The following TSPAN18 variants were observed in gnomAD, a reference collection of about 807,000 sequenced individuals.
TSPAN18 encodes tetraspanin-18.
Under a neutral mutation model 27.3 loss-of-function variants are expected in TSPAN18, and 14 were observed. The ratio of observed to expected loss-of-function variants is 0.51; its 90% CI spans 0.34 to 0.80. The LOEUF is 0.80. Ranked by LOEUF, TSPAN18 falls within the 30% of genes least tolerant of loss-of-function variation. The pLI, the probability that TSPAN18 is intolerant of heterozygous loss-of-function variation, is 0.01. For missense variants in TSPAN18, 268 were observed against 323.9 expected, an observed-to-expected ratio of 0.83 and a Z score of 1.32; for synonymous variants, 143 against 136.5, an observed-to-expected ratio of 1.05 and a Z score of -0.33.
chr11:44,842,891 C>T (rs1857401773), intron 2 of TSPAN18, among the ~76,000 whole-genome samples: 4 of 152,148 alleles, frequency 2.6e-5, no homozygotes, highest in Admixed American at 2.6e-4. Flanking sequence ...CTCCTATGCC[C>T]CATCCCAATC....
intron 5 of TSPAN18, among the ~76,000 whole-genome samples, chr11:44,914,863 G>T (rs112394050): frequency 2.2e-3 from 342 of 152,170 alleles, no homozygotes; most frequent in African/African-American, 7.7e-3. Flanking sequence ...TTCCAGAGCC[G>T]CCCACACCAG....
intron 3 of TSPAN18, among the ~76,000 whole-genome samples, chr11:44,891,334 G>A (rs948406679): frequency 6.6e-6 from 1 of 152,206 alleles, no homozygotes. Context: ...TTTGGAGTCA[G>A]GCCAGATGGC....
intron 2 of TSPAN18, among the ~76,000 whole-genome samples, chr11:44,822,755 T>C (rs1856952899): frequency 6.6e-6 from 1 of 152,046 alleles, no homozygotes; most frequent in Admixed American, 6.5e-5. Flanking sequence ...TCTGGGAAAA[T>C]GTCAGACCCC....
At chr11:44,847,965 C>G (rs1250337710) in intron 2 of TSPAN18, among the ~76,000 whole-genome samples, 1 of 151,346 alleles carries the variant, frequency 6.6e-6, no homozygotes, top group Non-Finnish European at 1.5e-5. Context: ...TCCCAAGTAG[C>G]TCGGACTACA....
chr11:44,864,107 T>C lies in TSPAN18; in HGVS notation c.-11+3638T>C, dbSNP rs181650871. The stretch of plus-strand genomic sequence containing the variant: ...TTCGAGAGCAGCCTGGCCAACATAG[T>C]GAAACCCCGTCTCTACTAAAAATAC... On this transcript the variant is annotated intron_variant, in intron 3 of 9. Transcript: ENST00000520358. Among the ~76,000 whole-genome samples, 275 of 151,730 alleles carry C rather than the reference T, an allele frequency of 1.8e-3. 7 individuals are homozygous for C. The East Asian group carries it at 0.033, about 18-fold the overall frequency.
intron 1 of TSPAN18, among the ~76,000 whole-genome samples, chr11:44,740,665 T>G (rs772977456): frequency 2.0e-5 from 3 of 152,188 alleles, no homozygotes; most frequent in Non-Finnish European, 4.4e-5. Context: ...CATCCTAGCC[T>G]GTGAATTTCT....
At chr11:44,812,233 C>T (rs186194524) in intron 2 of TSPAN18, among the ~76,000 whole-genome samples, 233 of 152,318 alleles carry the variant, frequency 1.5e-3, no homozygotes, top group African/African-American at 5.4e-3. Context: ...GGCTGTGTGA[C>T]CTGGGGCAAA....
intron 2 of TSPAN18, among the ~76,000 whole-genome samples, chr11:44,792,021 G>A (rs1856237536): frequency 2.0e-5 from 3 of 152,186 alleles, no homozygotes; most frequent in Non-Finnish European, 4.4e-5. Flanking sequence ...CTCCTTTGGA[G>A]AGCTGACACT....
chr11:44,867,217 C>T (rs191873115), intron 3 of TSPAN18, among the ~76,000 whole-genome samples: 114 of 151,860 alleles, frequency 7.5e-4, no homozygotes, highest in African/African-American at 2.7e-3. Context: ...AGGCCCGGCA[C>T]CCTGGGTTTT....
intron 2 of TSPAN18, among the ~76,000 whole-genome samples, chr11:44,830,498 G>A (rs1265401547): frequency 6.6e-6 from 1 of 152,216 alleles, no homozygotes; most frequent in Non-Finnish European, 1.5e-5. Context: ...GACAAGGGAA[G>A]GGGAAATATT....
chr11:44,777,592 T>C (rs1855842003), intron 2 of TSPAN18, among the ~76,000 whole-genome samples: 1 of 152,206 alleles, frequency 6.6e-6, no homozygotes, highest in Admixed American at 6.5e-5. Flanking sequence ...GGCTGGTTTA[T>C]TTATGCATTT....
chr11:44,864,583 C>CT (rs1370890578), intron 3 of TSPAN18, among the ~76,000 whole-genome samples: 4 of 152,210 alleles, frequency 2.6e-5, no homozygotes, highest in African/African-American at 7.2e-5. Context: ...CCCTTGCCAT[C>CT]TTGGGCCTAA....
intron 9 of TSPAN18, among the ~76,000 whole-genome samples, chr11:44,928,386 T>G (rs1187174163): frequency 6.6e-6 from 1 of 152,164 alleles, no homozygotes; most frequent in African/African-American, 2.4e-5. Flanking sequence ...CTGCAGGGGT[T>G]GTAAGCATGG....
intron 3 of TSPAN18, among the ~76,000 whole-genome samples, chr11:44,896,230 G>T (rs1179049805): frequency 1.3e-5 from 2 of 152,130 alleles, no homozygotes; most frequent in Non-Finnish European, 2.9e-5. Flanking sequence ...CTATTGTGAG[G>T]ATTCATTGTG....
intron 3 of TSPAN18, among the ~76,000 whole-genome samples, chr11:44,890,742 C>CA (rs60185116): frequency 0.22 from 17,252 of 80,048 alleles, 1,595 homozygotes; most frequent in East Asian, 0.3. Context: ...GACTCCAACT[C>CA]AAAAAAAAAA....
chr11:44,733,773 G>A lies in TSPAN18; in HGVS notation c.-240+6486G>A, dbSNP rs74614928. On this transcript the variant is annotated intron_variant, in intron 1 of 9. Transcript: ENST00000520358. ...GGGAATTGCCGTGCAGCCAAGCTTC[G>A]GGGTACCCTTCCAAGGCGCACCTGG... Among the ~76,000 whole-genome samples the A allele has an allele frequency of 3.6e-3, 546 of 152,240 alleles. 4 individuals carry two copies. The highest frequency in any genetic ancestry group is 0.012 in the African/African-American group (519 of 41,534).
intron 2 of TSPAN18, among the ~76,000 whole-genome samples, chr11:44,811,165 CA>C (rs1856706472): frequency 7.7e-6 from 1 of 130,066 alleles, no homozygotes; most frequent in South Asian, 2.5e-4. Context: ...CACACACACA[CA>C]CACACACACC....
chr11:44,926,129 C>T (rs1860344177), intron 8 of TSPAN18, among the ~76,000 whole-genome samples: 1 of 152,162 alleles, frequency 6.6e-6, no homozygotes, highest in Non-Finnish European at 1.5e-5. Context: ...GAAGGCTGGG[C>T]TGTGTTTCCT....
chr11:44,856,033 A>AG (rs892480673), intron 2 of TSPAN18, among the ~76,000 whole-genome samples: 3 of 151,562 alleles, frequency 2.0e-5, no homozygotes, highest in Non-Finnish European at 2.9e-5. Context: ...CCAGTTGTGT[A>AG]CCACCACGCC....
Sources: allele counts gnomAD v4.1 joint callset (sites outside exome capture counted in the v4.1 genomes callset), GRCh38; gene constraint gnomAD v4.1.1; transcripts MANE v1.5; gene names NCBI Gene and HGNC (gene_info 2026-07-23, HGNC 2026-07-21).